The following PSPC1 variants were observed in gnomAD, a reference collection of about 807,000 sequenced individuals.
The protein encoded by PSPC1 is paraspeckle component 1, also known as paraspeckle protein 1.
A neutral mutation model predicts 51.6 loss-of-function variants in PSPC1; 14 were observed. The ratio of observed to expected loss-of-function variants is 0.27; its 90% CI spans 0.18 to 0.42. The LOEUF (loss-of-function observed/expected upper bound fraction) is 0.42. Ranked by LOEUF, PSPC1 falls within the 10% of genes least tolerant of loss-of-function variation. The pLI is 1.00. For synonymous variants in PSPC1, 193 were observed against 231.9 expected (o/e 0.83, Z 1.53); for missense variants, 406 against 701.1 (o/e 0.58, Z 4.75).
intron 6 of PSPC1, among the ~76,000 whole-genome samples, chr13:19,684,987 T>C (rs1298770801): frequency 2.0e-5 from 3 of 152,226 alleles, no homozygotes; most frequent in Non-Finnish European, 2.9e-5. Context: ...TTAAAAGATA[T>C]CTGTCACATT....
rs1431522685 is a variant in PSPC1 at position 19,777,449 on chromosome 13, A to AG, written c.373-4907_373-4906insC. ...CAGCTCAAAAAAAAAAAAAAAAAAAAAAGATAACTTTTACATAAAAATTTT... is the reference window on the plus strand; with the variant it reads ...CAGCTCAAAAAAAAAAAAAAAAAAAAGAAGATAACTTTTACATAAAAATTTT... On this transcript the variant is annotated intron_variant, in intron 1 of 8. Coordinates refer to ENST00000338910, the MANE Select transcript of PSPC1 (RefSeq NM_001354909.2). 4.0e-5 allele frequency among the ~76,000 whole-genome samples: 6 copies of AG among 151,420 alleles called. No individual in the cohort carries two copies. The South Asian group carries it at 1.0e-3, about 26-fold the overall frequency.
chr13:19,726,007 G>A (rs1283319825), intron 6 of PSPC1, among the ~76,000 whole-genome samples: 1 of 151,994 alleles, frequency 6.6e-6, no homozygotes, highest in Non-Finnish European at 1.5e-5. Context: ...AAAAAATGAA[G>A]AAAGATGGGT....
intron 3 of PSPC1, among the ~76,000 whole-genome samples, chr13:19,753,171 T>C (rs548184314): frequency 4.7e-4 from 70 of 149,760 alleles, no homozygotes; most frequent in Non-Finnish European, 5.5e-4. Context: ...CGATCCCAGC[T>C]ACTCAGGAGG....
At chr13:19,688,116 GGTC>G (rs1278252670) in intron 6 of PSPC1, among the ~76,000 whole-genome samples, 7 of 151,832 alleles carry the variant, frequency 4.6e-5, no homozygotes, top group African/African-American at 1.7e-4. Flanking sequence ...TGTTCTGAAT[GGTC>G]GTCTAATGCT....
intron 6 of PSPC1, among the ~76,000 whole-genome samples, chr13:19,685,681 T>G (rs149584753): frequency 5.4e-4 from 82 of 152,304 alleles, no homozygotes; most frequent in African/African-American, 1.9e-3. Flanking sequence ...GAGCAGATTC[T>G]CCAATCAAGA....
intron 7 of PSPC1, chr13:19,675,859 G>T (rs1360403853): frequency 1.3e-5 from 2 of 152,254 alleles, no homozygotes; most frequent in African/African-American, 4.8e-5. Context: ...TATAATAAAA[G>T]CAGATTCAAT....
chr13:19,734,431 C>G (rs1321963364), intron 5 of PSPC1, among the ~76,000 whole-genome samples: 1 of 152,142 alleles, frequency 6.6e-6, no homozygotes, highest in East Asian at 1.9e-4. Flanking sequence ...TGTTATTGTT[C>G]AGCACTATGG....
At chr13:19,781,102 C>T (rs1889912511) in intron 1 of PSPC1, among the ~76,000 whole-genome samples, 1 of 150,080 alleles carries the variant, frequency 6.7e-6, no homozygotes, top group Admixed American at 6.7e-5. Flanking sequence ...ACTGAGATCG[C>T]GCCACTGCAC....
At chr13:19,734,269 G>A (rs1004443292) in intron 5 of PSPC1, among the ~76,000 whole-genome samples, 2 of 152,110 alleles carry the variant, frequency 1.3e-5, no homozygotes, top group African/African-American at 4.8e-5. Context: ...TAGTAATTAT[G>A]ACAAATTTTA....
intron 5 of PSPC1, among the ~76,000 whole-genome samples, chr13:19,741,156 GAGC>G (rs1885397808): frequency 6.6e-6 from 1 of 152,118 alleles, no homozygotes; most frequent in Non-Finnish European, 1.5e-5. Flanking sequence ...TTACAGGCAT[GAGC>G]TACTGCCCCC....
intron 1 of PSPC1, among the ~76,000 whole-genome samples, chr13:19,773,529 C>T (rs988431433): frequency 7.2e-5 from 11 of 152,090 alleles, no homozygotes; most frequent in Non-Finnish European, 1.3e-4. Flanking sequence ...TGAGCCACCG[C>T]ACCCGGCCTG....
intron 6 of PSPC1, chr13:19,677,943 GT>G (rs2137573093): frequency 2.5e-6 from 1 of 406,122 alleles, no homozygotes; most frequent in East Asian, 7.3e-5. Context: ...TCGATACCAT[GT>G]AGTGCTGCGT....
downstream of PSPC1, among the ~76,000 whole-genome samples, chr13:19,700,533 T>A (rs962001228): frequency 1.3e-5 from 2 of 151,822 alleles, no homozygotes; most frequent in African/African-American, 4.9e-5. Context: ...AAAATCTGCA[T>A]CTGTCAAGAA....
chr13:19,766,052 GAA>G, intron 2 of PSPC1, among the ~76,000 whole-genome samples: 1 of 152,136 alleles, frequency 6.6e-6, no homozygotes, highest in African/African-American at 2.4e-5. Flanking sequence ...TTCTGCACAG[GAA>G]AAGTGTGCAG....
intron 6 of PSPC1, among the ~76,000 whole-genome samples, chr13:19,721,381 C>T (rs1195490959): frequency 6.6e-6 from 1 of 152,078 alleles, no homozygotes; most frequent in Non-Finnish European, 1.5e-5. Context: ...TCCTCTTCTC[C>T]GATTGCTCAA....
intron 4 of PSPC1, among the ~76,000 whole-genome samples, chr13:19,749,287 G>A (rs1886295768): frequency 6.6e-6 from 1 of 152,098 alleles, no homozygotes; most frequent in East Asian, 1.9e-4. Flanking sequence ...GGTGGAGGTT[G>A]CAGTGAGCTA....
chr13:19,745,956 C>T (rs1238965802), intron 4 of PSPC1, among the ~76,000 whole-genome samples: 10 of 150,342 alleles, frequency 6.7e-5, no homozygotes, highest in African/African-American at 2.4e-4. Context: ...GATGTTTATC[C>T]TCTGTTGATT....
At chr13:19,777,973 G>A (rs1011144723) in intron 1 of PSPC1, among the ~76,000 whole-genome samples, 24 of 152,162 alleles carry the variant, frequency 1.6e-4, no homozygotes, top group South Asian at 1.0e-3. Context: ...GCTGGGCGCC[G>A]TGGCTCACCC....
intron 8 of PSPC1, among the ~76,000 whole-genome samples, chr13:19,703,614 G>T (rs553670169): frequency 4.7e-4 from 71 of 152,218 alleles, no homozygotes; most frequent in African/African-American, 1.7e-3. Flanking sequence ...ACAAAGAACT[G>T]ATTTCGTGAC....
Sources: allele counts gnomAD v4.1 joint callset (sites outside exome capture counted in the v4.1 genomes callset), GRCh38; gene constraint gnomAD v4.1.1; transcripts MANE v1.5; gene names NCBI Gene and HGNC (gene_info 2026-07-23, HGNC 2026-07-21).